The following TMEM33 variants were observed in gnomAD, a reference collection of about 807,000 sequenced individuals.
TMEM33 encodes the protein transmembrane protein 33.
TMEM33 carries 16 observed loss-of-function variants against 29.7 expected under a neutral mutation model. That is an observed-to-expected ratio of 0.54 (90% confidence interval 0.36 to 0.82). The LOEUF (loss-of-function observed/expected upper bound fraction) is 0.82, where lower values mean the gene tolerates loss of function less well. TMEM33 is among the 40% of genes least tolerant of loss of function. The pLI is 0.00. For missense variants in TMEM33, 252 were observed against 295.3 expected (o/e 0.85, Z 1.08); for synonymous variants, 112 against 109.4 (o/e 1.02, Z -0.15).
rs1036559836 is a variant in TMEM33, at chr4:41,944,902, C to T, written c.506C>T (p.Pro169Leu). 3.7e-6 allele frequency: 6 copies of T among 1,612,540 alleles called. No individual in the cohort carries two copies. The highest frequency in any genetic ancestry group is 5.1e-6 in the Non-Finnish European group (6 of 1,179,672). The change falls in exon 5 of 7, where the codon CCT becomes CTT. Residue 169 changes from proline (P) to leucine (L), a missense_variant. Physicochemically the swap from Pro to Leu is moderately conservative, Grantham distance 98. Coordinates refer to ENST00000504986, the MANE Select transcript of TMEM33 (RefSeq NM_018126.3). ...FIACNEIFLMPATVFMLFSGQ... is the reference protein window; with the variant it reads ...FIACNEIFLMLATVFMLFSGQ... ...GCTTGCAATGAAATATTCCTGATGCCTGCGACAGTTTTTATGCTTTTTAGG... is the reference window on the plus strand; with the variant it reads ...GCTTGCAATGAAATATTCCTGATGCTTGCGACAGTTTTTATGCTTTTTAGG...
At chr4:41,938,390 G>T (rs751026576) in intron 1 of TMEM33, among the ~76,000 whole-genome samples, 1 of 151,934 alleles carries the variant, frequency 6.6e-6, no homozygotes, top group African/African-American at 2.4e-5. Flanking sequence ...AGTACTTCTT[G>T]TGCTTTCCAC....
At chr4:41,935,219 C>T (rs1388936573), upstream of TMEM33, 10 of 574,096 alleles carry the variant, frequency 1.7e-5, no homozygotes, top group Admixed American at 2.5e-4. Context: ...CCTTCGCTCC[C>T]GTCTTTCTGG....
intron 6 of TMEM33, among the ~76,000 whole-genome samples, 200 bp downstream of exon 6, chr4:41,949,585 G>A (rs1712949676): frequency 1.3e-5 from 2 of 152,138 alleles, no homozygotes; most frequent in South Asian, 4.1e-4. Context: ...AACTGAGACT[G>A]CAGTTATCTA....
intron 3 of TMEM33, among the ~76,000 whole-genome samples, chr4:41,940,575 T>G (rs550340539): frequency 6.6e-6 from 1 of 152,062 alleles, no homozygotes; most frequent in African/African-American, 2.4e-5. Flanking sequence ...TTTGGGAGGC[T>G]GAGGTGGGCG....
chr4:41,935,925 C>T (rs566298393), intron 1 of TMEM33, among the ~76,000 whole-genome samples: 3 of 152,314 alleles, frequency 2.0e-5, no homozygotes, highest in African/African-American at 7.2e-5. Flanking sequence ...AACGTTTCTG[C>T]CTAGTTTATA....
intron 6 of TMEM33, among the ~76,000 whole-genome samples, chr4:41,951,495 G>C (rs944009211): frequency 6.6e-6 from 1 of 152,206 alleles, no homozygotes; most frequent in Admixed American, 6.5e-5. Context: ...GATGCAGCCA[G>C]TAATAAAAGA....
intron 2 of TMEM33, among the ~76,000 whole-genome samples, 175 bp downstream of exon 2, chr4:41,938,871 C>T (rs1337088837): frequency 6.6e-6 from 1 of 152,136 alleles, no homozygotes; most frequent in Non-Finnish European, 1.5e-5. Context: ...TATTTTATAT[C>T]TTGTGCTTTG....
chr4:41,937,860 G>C (rs1458615992), intron 1 of TMEM33, among the ~76,000 whole-genome samples: 1 of 152,106 alleles, frequency 6.6e-6, no homozygotes, highest in African/African-American at 2.4e-5. Flanking sequence ...GGAAAAAAAT[G>C]GGGGAAGAAA....
At chr4:41,949,263 G>T in intron 5 of TMEM33, 39 bp from the exon 6 acceptor site, 1 of 1,426,794 alleles carries the variant, frequency 7.0e-7, no homozygotes, top group Non-Finnish European at 9.7e-7. Context: ...CACATGAATT[G>T]AAATGTATAT....
At position 41,935,544 on chromosome 4, in the gene TMEM33, A is replaced by G; in HGVS notation, c.45+15A>G. On this transcript the variant is annotated intron_variant, in intron 1 of 6. Coordinates refer to ENST00000504986, the MANE Select transcript of TMEM33 (RefSeq NM_018126.3). ...CGGGCGCTGTGGTAAGTGCGAGGGC[A>G]GGGTAGTCTGGCTTGATTTGCAAGA... is the stretch of plus-strand genomic sequence containing the variant. 2 of 1,601,296 alleles carry G rather than the reference A, an allele frequency of 1.2e-6. No individual in the cohort carries two copies. Among genetic ancestry groups the G allele is most frequent in the Admixed American group, 3.5e-5 (2 of 57,694 alleles).
At chr4:41,947,926 C>G (rs1471946666) in intron 5 of TMEM33, among the ~76,000 whole-genome samples, 1 of 152,150 alleles carries the variant, frequency 6.6e-6, no homozygotes, top group African/African-American at 2.4e-5. Flanking sequence ...TTCTAATTGA[C>G]TGGAGCCACC....
Position 41,943,807 on chromosome 4 carries a change from TCC to T in TMEM33, c.390_391del (p.Leu131Ter). On this transcript the variant is annotated frameshift_variant, in exon 4 of 7. Transcript: ENST00000504986. LOFTEE classifies it high-confidence loss of function. The stretch of plus-strand genomic sequence containing the variant: ...CATGCTGCCACATATACGAAAAAGG[TCC>T]TTGACGTAAGTAAAACTGCTCTTTG... The T allele has an allele frequency of 1.2e-6, 2 of 1,613,834 alleles. No homozygotes were observed. Among genetic ancestry groups the T allele is most frequent in the Non-Finnish European group, 1.7e-6 (2 of 1,179,836 alleles).
At chr4:41,944,619 AG>A (rs1712696607) in intron 4 of TMEM33, among the ~76,000 whole-genome samples, 173 bp from the exon 5 acceptor site, 2 of 152,210 alleles carry the variant, frequency 1.3e-5, no homozygotes, top group Non-Finnish European at 2.9e-5. Context: ...AATGTAAAAA[AG>A]CAGGAAAATA....
Position 41,939,285 on chromosome 4 carries a change from TC to T in TMEM33, c.232del (p.Gln78SerfsTer2). On this transcript the variant is annotated frameshift_variant, in exon 3 of 7. Transcript: ENST00000504986. LOFTEE classifies it high-confidence loss of function. ...ALRLHQRLPH[F>X]QLSRAFLAQA... ...AGGCTGCATCAAAGATTACCACACT[TC>T]CAGTTAAGCAGAGCATTCCTGGCCC... The T allele has an allele frequency of 1.2e-6, 2 of 1,613,862 alleles. No individual in the cohort carries two copies. Among genetic ancestry groups the T allele is most frequent in the Non-Finnish European group, 1.7e-6 (2 of 1,179,926 alleles).
intron 5 of TMEM33, among the ~76,000 whole-genome samples, chr4:41,945,860 A>G (rs1349126707): frequency 6.6e-6 from 1 of 151,230 alleles, no homozygotes; most frequent in Non-Finnish European, 1.5e-5. Flanking sequence ...AATCCCAGCT[A>G]CTCGGGAGGC....
intron 6 of TMEM33, among the ~76,000 whole-genome samples, chr4:41,952,185 AAGCCT>A (rs1713070815): frequency 6.6e-6 from 1 of 152,196 alleles, no homozygotes; most frequent in East Asian, 1.9e-4. Flanking sequence ...TCTGGCTTGG[AAGCCT>A]AAGAGTTGTA....
In TMEM33 at chr4:41,954,305, A is replaced by G. The variant is rs1713169367; in HGVS notation, c.*106A>G. The G allele has an allele frequency of 1.8e-6, 2 of 1,087,426 alleles. No individual in the cohort carries two copies. The highest frequency in any genetic ancestry group is 2.6e-6 in the Non-Finnish European group (2 of 783,592). 67.4% of individuals were successfully genotyped at this position (1,087,426 alleles called of 1,614,324 possible). On this transcript the variant is annotated 3_prime_UTR_variant, in exon 7 of 7. Coordinates refer to ENST00000504986, the MANE Select transcript of TMEM33 (RefSeq NM_018126.3). ...TGTTACACTGACCTCAATCCAATTT[A>G]CATAATTTACATAAATGCATCTCGG...
intron 3 of TMEM33, 33 bp from the exon 4 acceptor site, chr4:41,943,714 C>T (rs755364547): frequency 6.3e-7 from 1 of 1,597,066 alleles, no homozygotes; most frequent in African/African-American, 1.3e-5. Flanking sequence ...TACTTGATGA[C>T]TTTTAAATGT....
At chr4:41,943,585 T>C (rs1358189307) in intron 3 of TMEM33, among the ~76,000 whole-genome samples, 162 bp from the exon 4 acceptor site, 2 of 152,176 alleles carry the variant, frequency 1.3e-5, no homozygotes, top group Non-Finnish European at 2.9e-5. Context: ...TTCTTTATAG[T>C]GAACAAAATT....
Sources: allele counts gnomAD v4.1 joint callset (sites outside exome capture counted in the v4.1 genomes callset), GRCh38; gene constraint gnomAD v4.1.1; transcripts MANE v1.5; gene names NCBI Gene and HGNC (gene_info 2026-07-23, HGNC 2026-07-21).